The following ARHGEF6 variants were observed in gnomAD, a reference collection of about 807,000 sequenced individuals.
The protein encoded by ARHGEF6 is rho guanine nucleotide exchange factor 6.
ARHGEF6 carries 9 observed loss-of-function variants against 70.3 expected under a neutral mutation model. The observed-to-expected ratio is 0.13, with a 90% CI of 0.08 to 0.22. The LOEUF is 0.22. Among genes scored for constraint, ARHGEF6 ranks in the 10% least tolerant of loss-of-function variants. The probability of loss-of-function intolerance (pLI) is 1.00; values close to 1 mark genes in which losing one functional copy is unlikely to be tolerated. For missense variants in ARHGEF6, 470 were observed against 563.0 expected (o/e 0.83, Z 1.67); for synonymous variants, 201 against 207.8 (o/e 0.97, Z 0.28).
intron 3 of ARHGEF6, 55 bp from the exon 4 acceptor site, chrX:136,745,402 T>C: frequency 8.5e-7 from 1 of 1,178,965 alleles, no homozygotes; most frequent in Admixed American, 2.2e-5. Context: ...GAAAAACATC[T>C]ACCGCATAAC....
chrX:136,723,617 T>C (rs1031378091), intron 6 of ARHGEF6, among the ~76,000 whole-genome samples: 9 of 112,188 alleles, frequency 8.0e-5, no homozygotes, highest in Non-Finnish European at 1.7e-4. Flanking sequence ...CATATGCACA[T>C]TGCTTTATTT....
chrX:136,688,113 A>G lies in ARHGEF6; in HGVS notation c.1186-122T>C, dbSNP rs985883170. 2.0e-5 allele frequency: 11 copies of G among 539,176 alleles called. No homozygotes were observed. The Admixed American group carries it at 2.3e-4, about 11-fold the overall frequency. The allele number at this position is 539,176 out of a possible 1,213,427, so 44.4% of individuals were successfully genotyped here. On this transcript the variant is annotated intron_variant, in intron 10 of 21. Coordinates refer to ENST00000250617, the MANE Select transcript of ARHGEF6 (RefSeq NM_004840.3). ...CAAGAGAATTTTGGGGGATGATGGA[A>G]CTGTTCTGTATTTTAATTGTGGTCA...
At chrX:136,774,650 CAA>C (rs10712642) in intron 2 of ARHGEF6, among the ~76,000 whole-genome samples, 217 of 56,865 alleles carry the variant, frequency 3.8e-3, no homozygotes, top group South Asian at 0.036. Flanking sequence ...AACTCTGTCT[CAA>C]AAAAAAAAAA....
At chrX:136,767,864 G>T in intron 2 of ARHGEF6, 1 of 693,724 alleles carries the variant, frequency 1.4e-6, no homozygotes, top group Non-Finnish European at 1.7e-6. Flanking sequence ...AGCAGCAGCA[G>T]CAGCAGCCCT....
rs187353849 is a variant in ARHGEF6 at position 136,686,314 on chromosome X, A to C, written c.1246-491T>G. 3.6e-5 allele frequency among the ~76,000 whole-genome samples: 4 copies of C among 110,233 alleles called. No individual in the cohort carries two copies. The Admixed American group carries it at 3.9e-4, about 11-fold the overall frequency. Reference sequence around the variant, plus strand: ...TCTTGAAAATAATAAAAAACAAAAAATTTCTCCTGGAGTTATAGTGAAAGA... The same window carrying C: ...TCTTGAAAATAATAAAAAACAAAAACTTTCTCCTGGAGTTATAGTGAAAGA... On this transcript the variant is annotated intron_variant, in intron 11 of 21. Transcript: ENST00000250617.
At chrX:136,723,641 G>C (rs757563605) in intron 6 of ARHGEF6, among the ~76,000 whole-genome samples, 1 of 111,867 alleles carries the variant, frequency 8.9e-6, no homozygotes, top group East Asian at 2.8e-4. Flanking sequence ...ATATTTATTT[G>C]GGCCAGGGGG....
At chrX:136,672,789 C>T (rs537169320) in intron 19 of ARHGEF6, among the ~76,000 whole-genome samples, 2 of 112,236 alleles carry the variant, frequency 1.8e-5, no homozygotes, top group Admixed American at 1.9e-4. Flanking sequence ...AACAGCTCTC[C>T]TGCACCTCCC....
At chrX:136,677,977 AAG>A in intron 16 of ARHGEF6, 21 bp from the exon 17 acceptor site, 1 of 1,193,007 alleles carries the variant, frequency 8.4e-7, no homozygotes, top group Non-Finnish European at 1.1e-6. Context: ...TATGTAAAGA[AAG>A]AGAAGATGAG....
intron 8 of ARHGEF6, among the ~76,000 whole-genome samples, chrX:136,707,318 A>G (rs1004176716): frequency 2.7e-5 from 3 of 112,243 alleles, no homozygotes; most frequent in African/African-American, 6.5e-5. Flanking sequence ...TTAGCTGGGT[A>G]CACTAAAAAT....
Position 136,685,693 on chromosome X carries a change from T to C in ARHGEF6, c.1376A>G (p.Gln459Arg), listed in dbSNP as rs1234382995. 3.3e-6 allele frequency: 4 copies of C among 1,207,622 alleles called. No individual in the cohort carries two copies. Among genetic ancestry groups the C allele is most frequent in the South Asian group, 3.5e-5 (2 of 56,690 alleles). The change falls in exon 12 of 22, where the codon CAG becomes CGG. Residue 459 changes from glutamine (Q) to arginine (R), a missense_variant. By Grantham distance (43) the Gln-to-Arg change is conservative (BLOSUM62 1). This residue lies in a region of ARHGEF6 where 379 missense variants were observed against 449.3 expected (regional missense o/e 0.84). Coordinates refer to ENST00000250617, the MANE Select transcript of ARHGEF6 (RefSeq NM_004840.3). ...NVIFMSQVMV[Q>R]YGACEEKEER... ...ATACCTTACCTCACATGCTCCATAC[T>C]GCACCATTACTTGTGACATAAAAAT...
At chrX:136,758,988 C>A (rs1190943696) in intron 2 of ARHGEF6, among the ~76,000 whole-genome samples, 1 of 111,677 alleles carries the variant, frequency 9.0e-6, no homozygotes, top group African/African-American at 3.3e-5. Flanking sequence ...AGCCCTAAAA[C>A]CATTTTCTAT....
intron 2 of ARHGEF6, among the ~76,000 whole-genome samples, chrX:136,761,319 A>G (rs1321973052): frequency 8.9e-6 from 1 of 112,173 alleles, no homozygotes; most frequent in Non-Finnish European, 1.9e-5. Context: ...GATTGCACAT[A>G]TATTGTCTGA....
intron 6 of ARHGEF6, among the ~76,000 whole-genome samples, chrX:136,730,042 A>T (rs1255705369): frequency 9.1e-6 from 1 of 109,989 alleles, no homozygotes; most frequent in Non-Finnish European, 1.9e-5. Flanking sequence ...TGTGGTGTTT[A>T]TTTTCTTTTT....
At position 136,682,046 on chromosome X, in the gene ARHGEF6, C is replaced by A. The variant is rs184359530; in HGVS notation, c.1480-78G>T. Reference sequence around the variant, plus strand: ...TATTTCACTTAGATTTTCTGACCCTCTCAGCAAGGCAAAACTATGGCTAGA... The same window carrying A: ...TATTTCACTTAGATTTTCTGACCCTATCAGCAAGGCAAAACTATGGCTAGA... On this transcript the variant is annotated intron_variant, in intron 13 of 21. Coordinates refer to ENST00000250617, the MANE Select transcript of ARHGEF6 (RefSeq NM_004840.3). 1.3e-5 allele frequency: 10 copies of A among 788,591 alleles called. No homozygotes were observed. The African/African-American group carries it at 1.8e-4, about 14-fold the overall frequency. The allele number at this position is 788,591 out of a possible 1,213,427, so 65.0% of individuals were successfully genotyped here.
chrX:136,725,415 T>TTGC (rs1240105051), intron 6 of ARHGEF6, among the ~76,000 whole-genome samples: 10 of 104,133 alleles, frequency 9.6e-5, no homozygotes, highest in African/African-American at 3.5e-4. Context: ...AGAACTTCTC[T>TTGC]TGCTGTGGTT....
At chrX:136,774,522 G>A (rs372653602) in intron 2 of ARHGEF6, among the ~76,000 whole-genome samples, 143 of 107,514 alleles carry the variant, frequency 1.3e-3, no homozygotes, top group African/African-American at 2.9e-3. Flanking sequence ...GTGGTGGCGC[G>A]TGCCTGTAAT....
At position 136,668,067 on chromosome X, in the gene ARHGEF6, G is replaced by A. The variant is rs952314313; in HGVS notation, c.2293C>T (p.Arg765Ter). The change falls in exon 22 of 22, where the codon CGA becomes TGA. Residue 765 changes from arginine (R) to a stop codon, truncating the protein, a stop_gained. Transcript: ENST00000250617. LOFTEE classifies it high-confidence loss of function. ...RLLKQTDECI[R>*]GESSSKTSIL... ...GAGGTCTTGCTACTGGACTCGCCTC[G>A]AATACACTCATCTGTTTGCTTCAAA... 7.4e-6 allele frequency: 9 copies of A among 1,211,692 alleles called. No individual in the cohort carries two copies. The highest frequency in any genetic ancestry group is 1.8e-5 in the South Asian group (1 of 56,986).
intron 6 of ARHGEF6, among the ~76,000 whole-genome samples, chrX:136,716,282 T>C (rs920529376): frequency 8.9e-6 from 1 of 112,092 alleles, no homozygotes; most frequent in Non-Finnish European, 1.9e-5. Flanking sequence ...CTAACTGTTA[T>C]GGGGGAAGGT....
intron 19 of ARHGEF6, among the ~76,000 whole-genome samples, chrX:136,674,283 C>T (rs2076255875): frequency 8.9e-6 from 1 of 112,605 alleles, no homozygotes; most frequent in Non-Finnish European, 1.9e-5. Flanking sequence ...AAATGGAGTA[C>T]TATGGAGTAT....
Sources: gnomAD v4.1 joint callset for allele counts (sites outside exome capture counted in the v4.1 genomes callset) on GRCh38, gnomAD v4.1.1 for gene constraint, gnomAD v4.1.1 regional missense constraint, MANE v1.5 for transcripts, NCBI Gene and HGNC (gene_info 2026-07-23, HGNC 2026-07-21) for gene names.